The following ZMPSTE24 variants were observed in gnomAD, a reference collection of about 807,000 sequenced individuals.
ZMPSTE24 encodes zinc metallopeptidase STE24, also known as CAAX prenyl protease 1 homolog.
ZMPSTE24 carries 48 observed loss-of-function variants against 56.7 expected under a neutral mutation model. The observed-to-expected ratio is 0.85, with a 90% CI of 0.67 to 1.08. ZMPSTE24 has a LOEUF of 1.08. ZMPSTE24 is among the 50% of genes least tolerant of loss of function. The pLI, the probability that ZMPSTE24 is intolerant of heterozygous loss-of-function variation, is 0.00. For missense variants in ZMPSTE24, 503 were observed against 548.7 expected (o/e 0.92, Z 0.83); for synonymous variants, 172 against 195.2 (o/e 0.88, Z 0.99).
chr1:40,288,411 C>T (rs1643807868), intron 8 of ZMPSTE24, among the ~76,000 whole-genome samples: 1 of 152,142 alleles, frequency 6.6e-6, no homozygotes. Flanking sequence ...GAAAGGGTTC[C>T]AATGGAATCA....
intron 6 of ZMPSTE24, among the ~76,000 whole-genome samples, chr1:40,277,269 G>A (rs754453856): frequency 4.6e-5 from 7 of 151,980 alleles, no homozygotes; most frequent in Non-Finnish European, 1.0e-4. Flanking sequence ...TGTATTTTTA[G>A]TAGAGACAAG....
chr1:40,288,264 T>C, intron 8 of ZMPSTE24, among the ~76,000 whole-genome samples: 1 of 152,188 alleles, frequency 6.6e-6, no homozygotes. Flanking sequence ...TCCTATATCT[T>C]TAGGTATAGA....
chr1:40,267,346 T>A (rs1447946347), intron 2 of ZMPSTE24, among the ~76,000 whole-genome samples: 1 of 145,922 alleles, frequency 6.9e-6, no homozygotes, highest in African/African-American at 2.6e-5. Context: ...TTTTATTTTA[T>A]TTTATTTTAT....
intron 7 of ZMPSTE24, 52 bp from the exon 8 acceptor site, chr1:40,285,873 T>C: frequency 6.8e-7 from 1 of 1,475,486 alleles, no homozygotes; most frequent in Non-Finnish European, 9.3e-7. Context: ...GGTTAAAAGA[T>C]AAAACTTTTT....
intron 5 of ZMPSTE24, 82 bp downstream of exon 5, chr1:40,270,209 T>G (rs1643600150): frequency 8.7e-6 from 13 of 1,494,290 alleles, no homozygotes; most frequent in Non-Finnish European, 1.1e-5. Context: ...TGTAAACAGT[T>G]CTTAAGAAGC....
intron 7 of ZMPSTE24, among the ~76,000 whole-genome samples, chr1:40,285,475 A>G (rs1643777300): frequency 6.6e-6 from 1 of 152,162 alleles, no homozygotes; most frequent in South Asian, 2.1e-4. Flanking sequence ...CCTGGCTTCA[A>G]GTTATCTGTC....
intron 7 of ZMPSTE24, among the ~76,000 whole-genome samples, chr1:40,285,491 C>G (rs889233162): frequency 6.6e-6 from 1 of 152,190 alleles, no homozygotes; most frequent in African/African-American, 2.4e-5. Flanking sequence ...CTGTCTGCCT[C>G]GGTTTCCCAA....
intron 7 of ZMPSTE24, among the ~76,000 whole-genome samples, chr1:40,284,102 ATTTT>A (rs10600489): frequency 0.047 from 5,539 of 116,932 alleles, 417 homozygotes; most frequent in African/African-American, 0.17. Flanking sequence ...TGCCCAGCTA[ATTTT>A]TTTTTTTTTT....
In ZMPSTE24 at chr1:40,281,367, A is replaced by G. The variant is rs281875371; in HGVS notation, c.794A>G (p.Asn265Ser). ...GGATCTAAACGCTCTTCCCACAGCA[A>G]TGCTTATTTTTATGGCTTCTTCAAG... ...VEGSKRSSHS[N>S]AYFYGFFKNK... The change falls in exon 7 of 10, where the codon AAT becomes AGT. Residue 265 changes from asparagine (N) to serine (S), a missense_variant. By Grantham distance (46) the Asn-to-Ser change is conservative. Transcript: ENST00000372759. 33 of 1,614,006 alleles carry G rather than the reference A, an allele frequency of 2.0e-5. No individual in the cohort carries two copies. The highest frequency in any genetic ancestry group is 2.6e-5 in the Non-Finnish European group (31 of 1,180,006).
Position 40,283,142 on chromosome 1 carries a change from T to C in ZMPSTE24, c.954+1615T>C, listed in dbSNP as rs76920441. On this transcript the variant is annotated intron_variant, in intron 7 of 9. Coordinates refer to ENST00000372759, the MANE Select transcript of ZMPSTE24 (RefSeq NM_005857.5). Reference sequence around the variant, plus strand: ...AGACATCTTAAAGTCATCTTATAAATAGGAAAACTGAAGTCCAGAAAGAAT... The same window carrying C: ...AGACATCTTAAAGTCATCTTATAAACAGGAAAACTGAAGTCCAGAAAGAAT... Among the ~76,000 whole-genome samples, 773 of 152,254 alleles carry C rather than the reference T, an allele frequency of 5.1e-3. 6 individuals are homozygous for C. The highest frequency in any genetic ancestry group is 0.01 in the South Asian group (49 of 4,814).
chr1:40,274,895 A>G (rs1433890709), intron 6 of ZMPSTE24, among the ~76,000 whole-genome samples: 2 of 152,104 alleles, frequency 1.3e-5, no homozygotes, highest in African/African-American at 4.8e-5. Context: ...TTGCATTGGG[A>G]GAATAAGGGA....
intron 6 of ZMPSTE24, among the ~76,000 whole-genome samples, chr1:40,279,120 G>A (rs910420639): frequency 1.3e-5 from 2 of 152,122 alleles, no homozygotes; most frequent in East Asian, 1.9e-4. Context: ...CAGCCTAGAC[G>A]ACAGAGAGAC....
At chr1:40,278,515 G>T (rs547217960) in intron 6 of ZMPSTE24, among the ~76,000 whole-genome samples, 1 of 116,080 alleles carries the variant, frequency 8.6e-6, no homozygotes, top group African/African-American at 3.4e-5. Flanking sequence ...CCGAGATCGC[G>T]CCACTGCACT....
chr1:40,265,748 A>C (rs1345690707), intron 2 of ZMPSTE24, among the ~76,000 whole-genome samples: 1 of 152,194 alleles, frequency 6.6e-6, no homozygotes, highest in Non-Finnish European at 1.5e-5. Context: ...TTTAGTGTAC[A>C]TCAGGTTTAC....
rs370694991 is a variant in ZMPSTE24, at chr1:40,267,886, T to C, written c.357+14T>C. 2.5e-6 allele frequency: 4 copies of C among 1,602,550 alleles called. 1 individual carries two copies. The highest frequency in any genetic ancestry group is 3.3e-5 in the Admixed American group (2 of 59,980). Reference sequence around the variant, plus strand: ...CCAGAATATGAGGTATGTGATTCATTAGCATGTATTTGTCATGGTATTTCT... The same window carrying C: ...CCAGAATATGAGGTATGTGATTCATCAGCATGTATTTGTCATGGTATTTCT... On this transcript the variant is annotated intron_variant, in intron 3 of 9. Coordinates refer to ENST00000372759, the MANE Select transcript of ZMPSTE24 (RefSeq NM_005857.5).
chr1:40,279,302 A>G (rs1643703727), intron 6 of ZMPSTE24, among the ~76,000 whole-genome samples: 2 of 152,226 alleles, frequency 1.3e-5, no homozygotes, highest in African/African-American at 4.8e-5. Context: ...GTTTCCTAAT[A>G]GGCATGGGCT....
Position 40,258,334 on chromosome 1 carries a change from G to T in ZMPSTE24, c.63G>T (p.Gly21=), listed in dbSNP as rs762701311. The T allele has an allele frequency of 2.5e-6, 4 of 1,614,072 alleles. No individual in the cohort carries two copies. Among genetic ancestry groups the T allele is most frequent in the Non-Finnish European group, 3.4e-6 (4 of 1,180,046 alleles). Residue 21 remains glycine (G), a synonymous_variant, in exon 1 of 10, where the codon GGG becomes GGT. Coordinates refer to ENST00000372759, the MANE Select transcript of ZMPSTE24 (RefSeq NM_005857.5). ...TGCCGGCCGAGAAGCGTATCTTCGG[G>T]GCCGTGCTGCTCTTTTCCTGGACAG... The part of the protein sequence containing the change: ...WEMPAEKRIF[G]AVLLFSWTVY...
At chr1:40,261,204 A>G (rs1015386064) in intron 2 of ZMPSTE24, among the ~76,000 whole-genome samples, 13 of 152,230 alleles carry the variant, frequency 8.5e-5, no homozygotes, top group African/African-American at 2.9e-4. Context: ...CCAGGTAGGA[A>G]AAAGATCCTC....
chr1:40,282,807 C>T (rs1643743900), intron 7 of ZMPSTE24, among the ~76,000 whole-genome samples: 1 of 152,152 alleles, frequency 6.6e-6, no homozygotes. Flanking sequence ...GGGGCCATTT[C>T]CCCTACAACC....
Sources: gnomAD v4.1 joint callset for allele counts (sites outside exome capture counted in the v4.1 genomes callset) on GRCh38, gnomAD v4.1.1 for gene constraint, MANE v1.5 for transcripts, NCBI Gene and HGNC (gene_info 2026-07-23, HGNC 2026-07-21) for gene names.